Variants in MRAP2 observed in about 807,000 individuals in gnomAD.
MRAP2 encodes the protein melanocortin 2 receptor accessory protein 2.
MRAP2 carries 20 observed loss-of-function variants against 17.4 expected under a neutral mutation model. The ratio of observed to expected loss-of-function variants is 1.15; its 90% CI spans 0.81 to 1.67. MRAP2 has a LOEUF of 1.67. Ranked by LOEUF, MRAP2 falls within the 40% of genes most tolerant of loss-of-function variation. The pLI is 0.00. For missense variants in MRAP2, 238 were observed against 240.0 expected (o/e 0.99, Z 0.05); for synonymous variants, 96 against 88.4 (o/e 1.09, Z -0.48).
intron 1 of MRAP2, chr6:84,052,673 A>G (rs1385795581): frequency 5.3e-6 from 1 of 190,156 alleles, no homozygotes; most frequent in Non-Finnish European, 9.7e-6. Context: ...GGAAAGAGGC[A>G]GTGGAGACAA....
At chr6:84,063,385 A>C in intron 3 of MRAP2, 1 of 985,438 alleles carries the variant, frequency 1.0e-6, no homozygotes, top group Non-Finnish European at 1.2e-6. Flanking sequence ...ACCAGTTTTA[A>C]AAATTATTTC....
At chr6:84,108,076 C>G in the MRAP2 span, among the ~76,000 whole-genome samples, 1 of 152,158 alleles carries the variant, frequency 6.6e-6, no homozygotes, top group Non-Finnish European at 1.5e-5. Context: ...TTATTATGCC[C>G]TTTCCCCACT....
intron 2 of MRAP2, among the ~76,000 whole-genome samples, chr6:84,058,029 A>C (rs546235400): frequency 1.3e-5 from 2 of 152,330 alleles, no homozygotes; most frequent in African/African-American, 4.8e-5. Context: ...GCAGAACAGC[A>C]GGAAACGAAG....
chr6:84,130,241 C>G, the MRAP2 span, among the ~76,000 whole-genome samples: 1 of 152,150 alleles, frequency 6.6e-6, no homozygotes, highest in African/African-American at 2.4e-5. Flanking sequence ...TTTTGATGTG[C>G]TGCTGGATTT....
chr6:84,064,592 A>C (rs529520946), intron 3 of MRAP2, among the ~76,000 whole-genome samples: 1 of 151,988 alleles, frequency 6.6e-6, no homozygotes, highest in Non-Finnish European at 1.5e-5. Context: ...GGTTCACGCC[A>C]TTCTCCTGCC....
In MRAP2 at chr6:84,041,917, G is replaced by A. The variant is rs368455903; in HGVS notation, c.-8+8034G>A. 2.0e-5 allele frequency among the ~76,000 whole-genome samples: 3 copies of A among 152,350 alleles called. No homozygotes were observed. In the East Asian group the frequency reaches 5.8e-4, roughly 29 times the overall value. On this transcript the variant is annotated intron_variant, in intron 1 of 3. Coordinates refer to ENST00000257776, the MANE Select transcript of MRAP2 (RefSeq NM_138409.4). ...AGTTAAGACTTTGGGGAACTGTTGAGAAGGCATGATTGTGTTTTGAAATGT... is the reference window on the plus strand; with the variant it reads ...AGTTAAGACTTTGGGGAACTGTTGAAAAGGCATGATTGTGTTTTGAAATGT...
intron 1 of MRAP2, among the ~76,000 whole-genome samples, chr6:84,036,001 A>G (rs2099485865): frequency 6.6e-6 from 1 of 152,214 alleles, no homozygotes; most frequent in Non-Finnish European, 1.5e-5. Flanking sequence ...TGGAGTACAA[A>G]AAATATTGGA....
intron 3 of MRAP2, among the ~76,000 whole-genome samples, chr6:84,080,168 G>A (rs1046903196): frequency 6.6e-6 from 1 of 152,008 alleles, no homozygotes; most frequent in African/African-American, 2.4e-5. Flanking sequence ...CAAGTAGCTG[G>A]GATTACAGGT....
chr6:84,055,331 A>T lies in MRAP2; in HGVS notation c.13A>T (p.Arg5Trp). Reference sequence around the variant, plus strand: ...GTGCAGGTCGGAGATGTCCGCCCAGAGGTTAATTTCTAACAGAACCTCCCA... The same window carrying T: ...GTGCAGGTCGGAGATGTCCGCCCAGTGGTTAATTTCTAACAGAACCTCCCA... MSAQ[R>W]LISNRTSQQS... Residue 5 changes from arginine (R) to tryptophan (W), a missense_variant, in exon 2 of 4, where the codon AGG becomes TGG. Coordinates refer to ENST00000257776, the MANE Select transcript of MRAP2 (RefSeq NM_138409.4). 1 of 1,613,358 alleles carries T rather than the reference A, an allele frequency of 6.2e-7. No individual in the cohort carries two copies. Among genetic ancestry groups the T allele is most frequent in the South Asian group, 1.1e-5 (1 of 90,844 alleles).
At chr6:84,054,526 T>C (rs2099491223) in intron 1 of MRAP2, among the ~76,000 whole-genome samples, 1 of 152,232 alleles carries the variant, frequency 6.6e-6, no homozygotes, top group Non-Finnish European at 1.5e-5. Context: ...CAACTTTTGC[T>C]GCCTGTTTTT....
At chr6:84,110,964 C>A in the MRAP2 span, among the ~76,000 whole-genome samples, 5 of 152,244 alleles carry the variant, frequency 3.3e-5, no homozygotes, top group Non-Finnish European at 7.4e-5. Context: ...GTCTATATAT[C>A]TGTTTTGGTA....
At chr6:84,050,202 A>T (rs1021470014) in intron 1 of MRAP2, among the ~76,000 whole-genome samples, 11 of 152,330 alleles carry the variant, frequency 7.2e-5, no homozygotes, top group African/African-American at 2.4e-4. Context: ...CAGAAAAAGA[A>T]TCAGCAGACC....
At chr6:84,145,227 G>A in the MRAP2 span, among the ~76,000 whole-genome samples, 33 of 152,176 alleles carry the variant, frequency 2.2e-4, no homozygotes, top group South Asian at 1.2e-3. Flanking sequence ...GAAGAGAAAG[G>A]AATTTACCTG....
intron 3 of MRAP2, among the ~76,000 whole-genome samples, chr6:84,078,690 G>C (rs1588655695): frequency 6.6e-6 from 1 of 152,156 alleles, no homozygotes; most frequent in Non-Finnish European, 1.5e-5. Flanking sequence ...TAGCTCTCTT[G>C]GGAATGGATT....
chr6:84,077,306 TGACA>T (rs1485325057), intron 3 of MRAP2, among the ~76,000 whole-genome samples: 2 of 152,168 alleles, frequency 1.3e-5, no homozygotes, highest in Admixed American at 6.5e-5. Context: ...TATTTTATTT[TGACA>T]GACAGACTGG....
Position 84,078,768 on chromosome 6 carries a change from C to T in MRAP2, c.228-10323C>T, listed in dbSNP as rs76976933. Reference sequence around the variant, plus strand: ...CAGATTTTCCTTCCTTTTTATGGGTCTGCTTCTCCTTTGACCTTCTTTGTA... The same window carrying T: ...CAGATTTTCCTTCCTTTTTATGGGTTTGCTTCTCCTTTGACCTTCTTTGTA... On this transcript the variant is annotated intron_variant, in intron 3 of 3. Coordinates refer to ENST00000257776, the MANE Select transcript of MRAP2 (RefSeq NM_138409.4). 8.6e-3 allele frequency among the ~76,000 whole-genome samples: 1,312 copies of T among 152,306 alleles called. 15 individuals carry two copies. Among genetic ancestry groups the T allele is most frequent in the Middle Eastern group, 0.02 (6 of 294 alleles).
the MRAP2 span, among the ~76,000 whole-genome samples, chr6:84,097,122 A>C: frequency 6.6e-6 from 1 of 152,214 alleles, no homozygotes; most frequent in African/African-American, 2.4e-5. Flanking sequence ...AAAAAGCCAC[A>C]GTCCTTATGA....
chr6:84,055,667 C>T (rs1288280346), intron 2 of MRAP2, among the ~76,000 whole-genome samples: 1 of 152,086 alleles, frequency 6.6e-6, no homozygotes, highest in Non-Finnish European at 1.5e-5. Flanking sequence ...CTAAAAAATT[C>T]CCATAGTAGG....
chr6:84,040,527 T>C (rs2099487268), intron 1 of MRAP2, among the ~76,000 whole-genome samples: 1 of 152,106 alleles, frequency 6.6e-6, no homozygotes, highest in South Asian at 2.1e-4. Context: ...TTCCTGGAGA[T>C]GTAGAGGGCT....
Sources: gnomAD v4.1 joint callset for allele counts (sites outside exome capture counted in the v4.1 genomes callset) on GRCh38, gnomAD v4.1.1 for gene constraint, MANE v1.5 for transcripts, NCBI Gene and HGNC (gene_info 2026-07-23, HGNC 2026-07-21) for gene names.